The following BCCIP variants were observed in gnomAD, a reference collection of about 807,000 sequenced individuals.
BCCIP encodes the protein BRCA2 and CDKN1A interacting protein, also known as BRCA2 and CDKN1A-interacting protein.
BCCIP carries 23 observed loss-of-function variants against 32.8 expected under a neutral mutation model. That is an observed-to-expected ratio of 0.70 (90% CI 0.51 to 0.99). BCCIP has a LOEUF of 0.99. Among genes scored for constraint, BCCIP ranks in the 50% least tolerant of loss-of-function variants. The pLI, the probability that BCCIP is intolerant of heterozygous loss-of-function variation, is 0.00. For missense variants in BCCIP, 378 were observed against 379.8 expected (o/e 1.00, Z 0.04); for synonymous variants, 144 against 137.6 (o/e 1.05, Z -0.33).
chr10:125,841,224 T>A (rs1237728389), downstream of BCCIP: 1 of 1,599,540 alleles, frequency 6.3e-7, no homozygotes, highest in Admixed American at 1.7e-5. Flanking sequence ...GTCAACTGAA[T>A]ATGGTTAATA....
exon 8 of BCCIP, chr10:125,853,252 G>C: frequency 6.4e-7 from 1 of 1,563,046 alleles, no homozygotes; most frequent in South Asian, 1.1e-5. Context: ...AATAAGTCAG[G>C]GATATTTAGG....
intron 7 of BCCIP, among the ~76,000 whole-genome samples, chr10:125,850,519 G>A (rs772548462): frequency 6.6e-6 from 1 of 151,792 alleles, no homozygotes; most frequent in South Asian, 2.1e-4. Flanking sequence ...TACCATGCCC[G>A]GCTAATTTTG....
chr10:125,850,696 G>A (rs763399356), intron 7 of BCCIP, among the ~76,000 whole-genome samples: 18 of 152,080 alleles, frequency 1.2e-4, no homozygotes, highest in Non-Finnish European at 2.5e-4. Flanking sequence ...TTCATGAGGC[G>A]TTGCCTTATC....
At chr10:125,843,085 C>T (rs1317963757), downstream of BCCIP, among the ~76,000 whole-genome samples, 2 of 151,976 alleles carry the variant, frequency 1.3e-5, no homozygotes, top group Admixed American at 6.5e-5. Flanking sequence ...TATAGCAATA[C>T]AGGTCACACA....
At chr10:125,828,718 C>T (rs536365526) in intron 3 of BCCIP, among the ~76,000 whole-genome samples, 1 of 152,144 alleles carries the variant, frequency 6.6e-6, no homozygotes, top group Non-Finnish European at 1.5e-5. Context: ...AGCTTAGTGT[C>T]GTAAAATAGC....
At chr10:125,838,290 T>A (rs974349392), downstream of BCCIP, 10 of 1,614,050 alleles carry the variant, frequency 6.2e-6, no homozygotes, top group South Asian at 7.7e-5. Context: ...CTCTGGCATC[T>A]TCTTGGTGAT....
downstream of BCCIP, among the ~76,000 whole-genome samples, chr10:125,839,998 C>G (rs1854826073): frequency 6.6e-6 from 1 of 152,238 alleles, no homozygotes; most frequent in Non-Finnish European, 1.5e-5. Flanking sequence ...CTTTGAAACA[C>G]TAACTCCCTG....
intron 5 of BCCIP, 95 bp downstream of exon 5, chr10:125,831,702 G>C: frequency 7.9e-7 from 1 of 1,271,792 alleles, no homozygotes; most frequent in Admixed American, 2.4e-5. Flanking sequence ...TATAGAAAGA[G>C]TTCTGTCCTT....
At chr10:125,840,088 C>T (rs1450409909), downstream of BCCIP, among the ~76,000 whole-genome samples, 1 of 152,212 alleles carries the variant, frequency 6.6e-6, no homozygotes, top group Non-Finnish European at 1.5e-5. Context: ...TCTTTCAGAA[C>T]AAAGGAGGTA....
chr10:125,844,024 G>A (rs1390005814), downstream of BCCIP, among the ~76,000 whole-genome samples: 1 of 152,184 alleles, frequency 6.6e-6, no homozygotes, highest in Admixed American at 6.5e-5. Context: ...TTCCTGTCCT[G>A]CCTGGGTCCT....
At chr10:125,835,134 G>GAAA (rs1054227710) in intron 6 of BCCIP, among the ~76,000 whole-genome samples, 1 of 144,688 alleles carries the variant, frequency 6.9e-6, no homozygotes, top group Non-Finnish European at 1.5e-5. Flanking sequence ...CTCTGTCTCA[G>GAAA]AAAAAAAAAA....
chr10:125,832,611 G>T lies in BCCIP; in HGVS notation c.599+1004G>T, dbSNP rs1408734234. Among the ~76,000 whole-genome samples the T allele has an allele frequency of 3.3e-5, 5 of 151,832 alleles. No individual in the cohort carries two copies. In the East Asian group the frequency reaches 9.7e-4, roughly 29 times the overall value. On this transcript the variant is annotated intron_variant, in intron 5 of 6. Transcript: ENST00000278100. ...CATTTATTTGGTTTTATAGGAGGGTGATTTGCTTTCTCCTAGTCCTGTTAA... is the reference window on the plus strand; with the variant it reads ...CATTTATTTGGTTTTATAGGAGGGTTATTTGCTTTCTCCTAGTCCTGTTAA...
At chr10:125,836,581 TC>T (rs1854692418), downstream of BCCIP, 1 of 1,433,062 alleles carries the variant, frequency 7.0e-7, no homozygotes, top group African/African-American at 1.4e-5. Flanking sequence ...TTCAAGACCG[TC>T]CTGTGGATGT....
At position 125,823,645 on chromosome 10, in the gene BCCIP, A is replaced by C; in HGVS notation, c.88A>C (p.Lys30Gln). ...PPVQRDEEEE[K>Q]EVENEDEDDD... is the part of the protein sequence containing the mutation. ...AGTCCAGCGCGACGAGGAAGAGGAA[A>C]AAGAAGTCGAAAATGAGGATGAAGA... Residue 30 changes from lysine (K) to glutamine (Q), a missense_variant, in exon 1 of 7, where the codon AAA becomes CAA. Physicochemically the swap from Lys to Gln is moderately conservative, Grantham distance 53. Coordinates refer to ENST00000278100, the MANE Select transcript of BCCIP (RefSeq NM_078468.3). 1 of 1,614,200 alleles carries C rather than the reference A, an allele frequency of 6.2e-7. No homozygotes were observed. The highest frequency in any genetic ancestry group is 1.3e-5 in the African/African-American group (1 of 75,064).
At chr10:125,826,465 C>G in intron 1 of BCCIP, 126 bp from the exon 2 acceptor site, 1 of 1,420,008 alleles carries the variant, frequency 7.0e-7, no homozygotes, top group South Asian at 1.3e-5. Flanking sequence ...TTTTGTGTCA[C>G]CTGAAGAAAT....
chr10:125,850,567 C>T (rs2134041646), intron 7 of BCCIP, among the ~76,000 whole-genome samples: 1 of 152,144 alleles, frequency 6.6e-6, no homozygotes, highest in East Asian at 1.9e-4. Context: ...GTTGGTCAGG[C>T]TGGTCTTGAA....
At chr10:125,853,089 A>T (rs781275731) in intron 7 of BCCIP, 19 of 1,454,222 alleles carry the variant, frequency 1.3e-5, no homozygotes, top group African/African-American at 2.8e-5. Flanking sequence ...CTAATACAGA[A>T]ACTGCGTATG....
chr10:125,849,632 C>T (rs1018634501), intron 7 of BCCIP, among the ~76,000 whole-genome samples: 1 of 152,210 alleles, frequency 6.6e-6, no homozygotes, highest in African/African-American at 2.4e-5. Flanking sequence ...AGTGCCAGTC[C>T]TGCCGGTAGG....
downstream of BCCIP, among the ~76,000 whole-genome samples, chr10:125,838,702 A>G (rs181210782): frequency 1.3e-5 from 2 of 152,296 alleles, no homozygotes; most frequent in Admixed American, 6.5e-5. Context: ...ATACACTCCA[A>G]TGCCAAGTGC....
Sources: gnomAD v4.1 joint callset for allele counts (sites outside exome capture counted in the v4.1 genomes callset) on GRCh38, gnomAD v4.1.1 for gene constraint, MANE v1.5 for transcripts, NCBI Gene and HGNC (gene_info 2026-07-23, HGNC 2026-07-21) for gene names.